The following GPC6 variants were observed in gnomAD, a reference collection of about 807,000 sequenced individuals.
GPC6 encodes glypican 6, also known as glypican-6.
GPC6 carries 14 observed loss-of-function variants against 55.2 expected under a neutral mutation model. That is an observed-to-expected ratio of 0.25 (90% CI 0.17 to 0.40). The LOEUF is 0.40. Ranked by LOEUF, GPC6 falls within the 10% of genes least tolerant of loss-of-function variation. The pLI is 1.00. For missense variants in GPC6, 641 were observed against 708.5 expected (o/e 0.90, Z 1.08); for synonymous variants, 278 against 259.6 (o/e 1.07, Z -0.68).
At chr13:93,712,516 G>T (rs1883106499) in intron 2 of GPC6, among the ~76,000 whole-genome samples, 1 of 151,678 alleles carries the variant, frequency 6.6e-6, no homozygotes, top group African/African-American at 2.4e-5. Context: ...TCAAATGATG[G>T]TTTTGCCTAT....
rs527298810 is a variant in GPC6, at chr13:94,097,815, T to G, written c.877+69921T>G. Among the ~76,000 whole-genome samples, 3 of 152,336 alleles carry G rather than the reference T, an allele frequency of 2.0e-5. No individual in the cohort carries two copies. The South Asian group carries it at 6.2e-4, about 32-fold the overall frequency. On this transcript the variant is annotated intron_variant, in intron 4 of 8. Transcript: ENST00000377047. ...CCATCAAATTTGCACTAAATTCTCT[T>G]GCTCTGTTCTTCCACAGTCATTTTA...
chr13:94,147,387 A>G (rs1887600998), intron 4 of GPC6, among the ~76,000 whole-genome samples: 1 of 152,184 alleles, frequency 6.6e-6, no homozygotes. Flanking sequence ...TAGGCTCTAT[A>G]GCCTGGGTCA....
intron 4 of GPC6, among the ~76,000 whole-genome samples, chr13:94,094,782 A>G (rs1349715698): frequency 1.3e-5 from 2 of 151,036 alleles, no homozygotes; most frequent in Admixed American, 6.7e-5. Flanking sequence ...TTTCACTTAA[A>G]TATTTTATAT....
intron 4 of GPC6, among the ~76,000 whole-genome samples, chr13:94,145,252 C>T (rs1887521735): frequency 6.6e-6 from 1 of 151,970 alleles, no homozygotes; most frequent in Admixed American, 6.6e-5. Flanking sequence ...TATAAAGCAC[C>T]TTCTACATGG....
intron 2 of GPC6, among the ~76,000 whole-genome samples, chr13:93,597,007 C>CA (rs10709473): frequency 0.076 from 5,160 of 67,542 alleles, 164 homozygotes; most frequent in South Asian, 0.11. Flanking sequence ...TCAAATCTGG[C>CA]AAAAAAAAAA....
At chr13:94,386,788 C>T (rs1246160796) in intron 7 of GPC6, among the ~76,000 whole-genome samples, 1 of 152,110 alleles carries the variant, frequency 6.6e-6, no homozygotes, top group Non-Finnish European at 1.5e-5. Context: ...CAGACTCTTT[C>T]GGCCACATTT....
intron 4 of GPC6, among the ~76,000 whole-genome samples, chr13:94,067,965 C>A (rs1884590381): frequency 6.6e-6 from 1 of 152,160 alleles, no homozygotes; most frequent in Admixed American, 6.5e-5. Context: ...AAGATGGACT[C>A]CTCAGTGGTG....
At chr13:93,852,704 A>G (rs541257131) in intron 3 of GPC6, among the ~76,000 whole-genome samples, 11 of 151,730 alleles carry the variant, frequency 7.2e-5, no homozygotes, top group African/African-American at 2.4e-4. Flanking sequence ...TTGATTGTAC[A>G]TGGGAACTGA....
chr13:94,091,384 C>T (rs576324511), intron 4 of GPC6, among the ~76,000 whole-genome samples: 1 of 152,198 alleles, frequency 6.6e-6, no homozygotes, highest in African/African-American at 2.4e-5. Flanking sequence ...CTTGTTATTT[C>T]TCTTCTTAAA....
At chr13:93,364,591 G>A (rs1287469097) in intron 1 of GPC6, among the ~76,000 whole-genome samples, 2 of 151,810 alleles carry the variant, frequency 1.3e-5, no homozygotes, top group East Asian at 3.9e-4. Context: ...AATTAAGTGA[G>A]CCTTGTTTGA....
intron 5 of GPC6, among the ~76,000 whole-genome samples, chr13:94,304,771 C>G (rs1875853814): frequency 6.6e-6 from 1 of 152,202 alleles, no homozygotes; most frequent in African/African-American, 2.4e-5. Context: ...AGCTCAGTCT[C>G]TAAGATCATT....
chr13:93,587,309 A>G (rs937340275), intron 2 of GPC6, among the ~76,000 whole-genome samples: 1 of 152,184 alleles, frequency 6.6e-6, no homozygotes, highest in African/African-American at 2.4e-5. Flanking sequence ...TCTAAACTGC[A>G]TAGAGCAATG....
intron 3 of GPC6, among the ~76,000 whole-genome samples, chr13:93,955,623 C>T (rs975446033): frequency 1.3e-5 from 2 of 152,118 alleles, no homozygotes; most frequent in South Asian, 4.1e-4. Flanking sequence ...GGGAGCATCT[C>T]CTACACAAGC....
At chr13:93,651,801 T>C (rs1880423751) in intron 2 of GPC6, among the ~76,000 whole-genome samples, 1 of 151,682 alleles carries the variant, frequency 6.6e-6, no homozygotes, top group Non-Finnish European at 1.5e-5. Context: ...AAATCAATGG[T>C]TCTCAAACCT....
chr13:93,992,220 A>C (rs1193574550), intron 3 of GPC6, among the ~76,000 whole-genome samples: 2 of 151,454 alleles, frequency 1.3e-5, no homozygotes, highest in Non-Finnish European at 2.9e-5. Flanking sequence ...TGTGTGTTAT[A>C]TATGTTTGTT....
chr13:93,628,380 G>A (rs1219498110), intron 2 of GPC6, among the ~76,000 whole-genome samples: 1 of 152,162 alleles, frequency 6.6e-6, no homozygotes, highest in Non-Finnish European at 1.5e-5. Context: ...CATTACAGCT[G>A]GCCCATATGT....
intron 2 of GPC6, among the ~76,000 whole-genome samples, chr13:93,600,702 A>T (rs1449531845): frequency 6.6e-6 from 1 of 152,110 alleles, no homozygotes; most frequent in Non-Finnish European, 1.5e-5. Context: ...CTGTAATCCC[A>T]GCACTTTGGG....
chr13:93,849,633 A>T (rs990968734), intron 3 of GPC6, among the ~76,000 whole-genome samples: 1 of 152,082 alleles, frequency 6.6e-6, no homozygotes, highest in Non-Finnish European at 1.5e-5. Flanking sequence ...TACTGTTTCC[A>T]TAGTTAATGG....
intron 6 of GPC6, 40 bp from the exon 7 acceptor site, chr13:94,382,374 G>A (rs1416118236): frequency 6.2e-7 from 1 of 1,612,202 alleles, no homozygotes; most frequent in Non-Finnish European, 8.5e-7. Context: ...GGGAAAGCCT[G>A]AGCAGAATAC....
Sources: allele counts gnomAD v4.1 joint callset (sites outside exome capture counted in the v4.1 genomes callset), GRCh38; gene constraint gnomAD v4.1.1; transcripts MANE v1.5; gene names NCBI Gene and HGNC (gene_info 2026-07-23, HGNC 2026-07-21).